Variants in DLGAP2 observed in about 807,000 individuals in gnomAD.
DLGAP2 encodes DLG associated protein 2.
A neutral mutation model predicts 100.3 loss-of-function variants in DLGAP2; 26 were observed. The observed-to-expected ratio is 0.26, with a 90% CI of 0.19 to 0.36. The LOEUF is 0.36. Ranked by LOEUF, DLGAP2 falls within the 10% of genes least tolerant of loss-of-function variation. The probability of loss-of-function intolerance (pLI) is 1.00; values close to 1 mark genes in which losing one functional copy is unlikely to be tolerated. For synonymous variants in DLGAP2, 886 were observed against 630.1 expected (o/e 1.41, Z -6.08); for missense variants, 1,858 against 1,453.2 (o/e 1.28, Z -4.53).
intron 2 of DLGAP2, among the ~76,000 whole-genome samples, chr8:977,411 C>A (rs368226379): frequency 6.6e-6 from 1 of 152,200 alleles, no homozygotes; most frequent in Non-Finnish European, 1.5e-5. Context: ...ATGGAGGGCA[C>A]ATGGCAATGT....
intron 4 of DLGAP2, among the ~76,000 whole-genome samples, chr8:1,520,425 T>C (rs1180247815): frequency 1.3e-5 from 2 of 152,208 alleles, no homozygotes; most frequent in Non-Finnish European, 2.9e-5. Flanking sequence ...CCAGGATTGA[T>C]GTGTTAGTGA....
At chr8:1,534,806 G>A (rs1801102240) in intron 4 of DLGAP2, among the ~76,000 whole-genome samples, 1 of 152,182 alleles carries the variant, frequency 6.6e-6, no homozygotes, top group African/African-American at 2.4e-5. Context: ...AAGTGTGTGT[G>A]CGCGTGATGT....
At chr8:1,408,029 G>T (rs933589214) in intron 3 of DLGAP2, among the ~76,000 whole-genome samples, 2 of 152,238 alleles carry the variant, frequency 1.3e-5, no homozygotes, top group African/African-American at 4.8e-5. Flanking sequence ...CTGGATGCCA[G>T]TCAGGACAAC....
At chr8:1,601,819 A>G (rs1448755297) in intron 6 of DLGAP2, among the ~76,000 whole-genome samples, 1 of 152,110 alleles carries the variant, frequency 6.6e-6, no homozygotes, top group East Asian at 1.9e-4. Context: ...GGTTCCTCTC[A>G]ATCCTTGCAT....
chr8:1,021,163 C>G (rs553937092), intron 2 of DLGAP2, among the ~76,000 whole-genome samples: 2 of 152,166 alleles, frequency 1.3e-5, no homozygotes, highest in African/African-American at 4.8e-5. Flanking sequence ...GTAAATAGCT[C>G]TAGTAAAAGT....
intron 6 of DLGAP2, among the ~76,000 whole-genome samples, chr8:1,617,961 G>T (rs925633287): frequency 5.3e-5 from 8 of 152,198 alleles, no homozygotes; most frequent in African/African-American, 1.9e-4. Context: ...GAATAAGTAA[G>T]TAAAAGGCTA....
At chr8:973,357 G>A (rs976316350) in intron 2 of DLGAP2, among the ~76,000 whole-genome samples, 3 of 152,014 alleles carry the variant, frequency 2.0e-5, no homozygotes, top group Admixed American at 2.0e-4. Context: ...CTTCCCAGAC[G>A]GGGTGGCTGC....
intron 2 of DLGAP2, among the ~76,000 whole-genome samples, chr8:1,201,293 C>G (rs1053618687): frequency 6.6e-6 from 1 of 152,192 alleles, no homozygotes. Flanking sequence ...CCAGCATCCC[C>G]GCGCAGGTGT....
At chr8:1,690,729 AT>A (rs1799238349) in intron 12 of DLGAP2, among the ~76,000 whole-genome samples, 2 of 149,250 alleles carry the variant, frequency 1.3e-5, no homozygotes, top group African/African-American at 2.5e-5. Flanking sequence ...AAAAAAAAAA[AT>A]TAGTATTTGA....
chr8:1,022,309 C>A (rs1319433891), intron 2 of DLGAP2, among the ~76,000 whole-genome samples: 1 of 148,710 alleles, frequency 6.7e-6, no homozygotes, highest in Admixed American at 6.7e-5. Context: ...CCAAACAGCA[C>A]CCACCCTCCC....
intron 12 of DLGAP2, among the ~76,000 whole-genome samples, chr8:1,690,434 G>T (rs1346885491): frequency 2.0e-5 from 3 of 151,986 alleles, no homozygotes; most frequent in Non-Finnish European, 4.4e-5. Flanking sequence ...GCCAGGCACG[G>T]TGGCTCACGC....
Position 1,419,397 on chromosome 8 carries a change from C to T in DLGAP2, c.107-81969C>T, listed in dbSNP as rs7003652. The stretch of plus-strand genomic sequence containing the variant: ...TAAATGGTTATTTTTGGTTGACTCA[C>T]AGTAATTGTACATATTTGTGGGATA... On this transcript the variant is annotated intron_variant, in intron 3 of 14. Coordinates refer to ENST00000637795, the MANE Select transcript of DLGAP2 (RefSeq NM_001346810.2). 1.1e-3 allele frequency among the ~76,000 whole-genome samples: 59 copies of T among 54,008 alleles called. 1 individual carries two copies. The highest frequency in any genetic ancestry group is 1.7e-3 in the African/African-American group (18 of 10,852). 35.4% of individuals were successfully genotyped at this position (54,008 alleles called of 152,430 possible). A position where few individuals can be genotyped will look rare whatever the true frequency, so the allele number is the denominator to read the frequency against.
At chr8:938,827 C>T (rs1278620061) in intron 2 of DLGAP2, among the ~76,000 whole-genome samples, 1 of 152,158 alleles carries the variant, frequency 6.6e-6, no homozygotes, top group African/African-American at 2.4e-5. Flanking sequence ...CTCTCATTGC[C>T]TCAGAGGCCA....
chr8:1,653,425 C>G (rs903265458), intron 8 of DLGAP2, among the ~76,000 whole-genome samples: 13 of 152,236 alleles, frequency 8.5e-5, no homozygotes, highest in African/African-American at 3.1e-4. Flanking sequence ...CCCACACCCT[C>G]ACTGCTCTCA....
chr8:1,690,376 CAAAAT>C (rs530998746), intron 12 of DLGAP2, among the ~76,000 whole-genome samples: 2 of 150,848 alleles, frequency 1.3e-5, no homozygotes, highest in African/African-American at 4.9e-5. Context: ...ATAAATAAAA[CAAAAT>C]AAACACACAC....
intron 2 of DLGAP2, among the ~76,000 whole-genome samples, chr8:1,094,244 C>T (rs1465321746): frequency 6.6e-6 from 1 of 152,176 alleles, no homozygotes; most frequent in Non-Finnish European, 1.5e-5. Context: ...TGAGCATTTC[C>T]AACGCGAGTA....
chr8:1,037,701 A>G (rs1468384130), intron 2 of DLGAP2, among the ~76,000 whole-genome samples: 2 of 152,190 alleles, frequency 1.3e-5, no homozygotes, highest in African/African-American at 4.8e-5. Context: ...AAGAAGTTTA[A>G]CCAAAGAGGA....
At chr8:916,381 C>T (rs12544856) in intron 2 of DLGAP2, among the ~76,000 whole-genome samples, 1,908 of 152,138 alleles carry the variant, frequency 0.013, 27 homozygotes, top group Non-Finnish European at 0.018. Flanking sequence ...TTTTTAGGGA[C>T]GTGGATGAAG....
chr8:963,701 A>G (rs1428709288), intron 2 of DLGAP2, among the ~76,000 whole-genome samples: 1 of 152,168 alleles, frequency 6.6e-6, no homozygotes, highest in Non-Finnish European at 1.5e-5. Flanking sequence ...AATTAATTTA[A>G]TATTGTCTGG....
Sources: allele counts gnomAD v4.1 joint callset (sites outside exome capture counted in the v4.1 genomes callset), GRCh38; gene constraint gnomAD v4.1.1; transcripts MANE v1.5; gene names NCBI Gene and HGNC (gene_info 2026-07-23, HGNC 2026-07-21).